The following CNTNAP3B variants were observed in gnomAD, a reference collection of about 807,000 sequenced individuals.
CNTNAP3B encodes contactin-associated protein-like 3B.
Under a neutral mutation model 108.9 loss-of-function variants are expected in CNTNAP3B, and 25 were observed. That is an observed-to-expected ratio of 0.23 (90% CI 0.17 to 0.32). The LOEUF (loss-of-function observed/expected upper bound fraction) is 0.32, where lower values mean the gene tolerates loss of function less well. Among genes scored for constraint, CNTNAP3B ranks in the 10% least tolerant of loss-of-function variants. The probability of loss-of-function intolerance (pLI) is 1.00; values close to 1 mark genes in which losing one functional copy is unlikely to be tolerated. For missense variants in CNTNAP3B, 252 were observed against 1,210.4 expected, an observed-to-expected ratio of 0.21 and a Z score of 11.75; for synonymous variants, 103 against 473.4, an observed-to-expected ratio of 0.22 and a Z score of 10.16.
intron 14 of CNTNAP3B, among the ~76,000 whole-genome samples, chr9:41,930,041 GATTTAGATATTC>G (rs1823931404): frequency 6.6e-6 from 1 of 152,258 alleles, no homozygotes; most frequent in South Asian, 2.1e-4. Context: ...AGTAACACTG[GATTTAGATATTC>G]ATTTTGCAGA....
In CNTNAP3B at chr9:42,098,896, C is replaced by A. The variant is rs537427216; in HGVS notation, c.196+5733G>T. On this transcript the variant is annotated intron_variant, in intron 2 of 23. Transcript: ENST00000377561. ...GAAGCTGATGCCTCTGCTTCCCCAT[C>A]TTTGTTCTGTGGAGCCACACAGGCA... 4.6e-5 allele frequency among the ~76,000 whole-genome samples: 6 copies of A among 131,818 alleles called. 2 individuals are homozygous for A. Among genetic ancestry groups the A allele is most frequent in the African/African-American group, 1.8e-4 (6 of 32,790 alleles). 86.5% of individuals were successfully genotyped at this position (131,818 alleles called of 152,430 possible).
rs868414304 is a variant in CNTNAP3B at position 42,107,985 on chromosome 9, A to G, written c.86-3246T>C. ...GAAAGACTCCGTCTTAAAAAAAAAAAAAAGAAAGAAAGAAAGGCACTAAAT... is the reference window on the plus strand; with the variant it reads ...GAAAGACTCCGTCTTAAAAAAAAAAGAAAGAAAGAAAGAAAGGCACTAAAT... On this transcript the variant is annotated intron_variant, in intron 1 of 23. Coordinates refer to ENST00000377561, the MANE Select transcript of CNTNAP3B (RefSeq NM_001201380.3). Among the ~76,000 whole-genome samples the G allele has an allele frequency of 7.3e-4, 98 of 134,314 alleles. 15 individuals carry two copies. The highest frequency in any genetic ancestry group is 2.6e-3 in the African/African-American group (86 of 33,582). 88.1% of individuals were successfully genotyped at this position (134,314 alleles called of 152,430 possible). A position where few individuals can be genotyped will look rare whatever the true frequency, so the allele number is the denominator to read the frequency against.
chr9:41,927,425 A>C (rs958130647), intron 15 of CNTNAP3B, among the ~76,000 whole-genome samples: 1 of 149,856 alleles, frequency 6.7e-6, no homozygotes, highest in African/African-American at 2.5e-5. Context: ...AAAGAAAAAG[A>C]AAGAAAAGAA....
chr9:41,917,194 C>T (rs1300410438), intron 18 of CNTNAP3B, among the ~76,000 whole-genome samples: 9 of 152,026 alleles, frequency 5.9e-5, no homozygotes, highest in Non-Finnish European at 1.3e-4. Context: ...TCTGATATTT[C>T]TCTGATGATC....
chr9:42,011,669 C>T lies in CNTNAP3B; in HGVS notation c.538+1709G>A, dbSNP rs1159172144. 5.9e-5 allele frequency: 3 copies of T among 50,554 alleles called. 1 individual carries two copies. The highest frequency in any genetic ancestry group is 2.0e-4 in the African/African-American group (3 of 14,786). The allele number at this position is 50,554 out of a possible 1,614,324, so 3.1% of individuals were successfully genotyped here. A position where few individuals can be genotyped will look rare whatever the true frequency, so the allele number is the denominator to read the frequency against. Reference sequence around the variant, plus strand: ...AACAAATAAATGGGAAGAGATGCTGCGTGGAAGGGATATTATAAGTCATTA... The same window carrying T: ...AACAAATAAATGGGAAGAGATGCTGTGTGGAAGGGATATTATAAGTCATTA... On this transcript the variant is annotated intron_variant, in intron 4 of 23. Transcript: ENST00000377561.
At chr9:42,035,975 G>A (rs1826617926) in intron 3 of CNTNAP3B, among the ~76,000 whole-genome samples, 1 of 143,130 alleles carries the variant, frequency 7.0e-6, no homozygotes, top group Admixed American at 6.9e-5. Flanking sequence ...GGGCATGGTG[G>A]CGCATGCCTG....
At chr9:42,099,413 C>A (rs1449222628) in intron 2 of CNTNAP3B, among the ~76,000 whole-genome samples, 3 of 135,038 alleles carry the variant, frequency 2.2e-5, no homozygotes, top group Non-Finnish European at 4.7e-5. Context: ...TAGTTAATCT[C>A]TTCAGGTGAG....
chr9:42,041,373 A>G (rs1396265208), intron 3 of CNTNAP3B, among the ~76,000 whole-genome samples: 13 of 151,488 alleles, frequency 8.6e-5, no homozygotes, highest in African/African-American at 2.7e-4. Context: ...TCTACAAAGA[A>G]TTTAAACAAA....
rs938982249 is a variant in CNTNAP3B, at chr9:41,930,723, C to T, written c.2238-1279G>A. On this transcript the variant is annotated intron_variant, in intron 14 of 23. Transcript: ENST00000377561. The stretch of plus-strand genomic sequence containing the variant: ...TTATGTGACTGGGAAAATAAATGCA[C>T]ACGTCTGTGTCCAATACAAAGAGAC... Among the ~76,000 whole-genome samples, 195 of 152,300 alleles carry T rather than the reference C, an allele frequency of 1.3e-3. No homozygotes were observed. The East Asian group carries it at 0.035, about 27-fold the overall frequency.
chr9:42,086,131 T>C (rs1827698030), intron 2 of CNTNAP3B, among the ~76,000 whole-genome samples: 1 of 140,708 alleles, frequency 7.1e-6, no homozygotes, highest in Admixed American at 7.1e-5. Context: ...AAAAGCATAT[T>C]TTACGTGGCA....
chr9:42,115,740 A>C lies in CNTNAP3B; in HGVS notation c.86-11001T>G, dbSNP rs1342685884. On this transcript the variant is annotated intron_variant, in intron 1 of 23. Coordinates refer to ENST00000377561, the MANE Select transcript of CNTNAP3B (RefSeq NM_001201380.3). Reference sequence around the variant, plus strand: ...CACCACCATCAAAGACCAAAGGTACATAAAACCACAAAGATGGGGAGAAAC... The same window carrying C: ...CACCACCATCAAAGACCAAAGGTACCTAAAACCACAAAGATGGGGAGAAAC... Among the ~76,000 whole-genome samples, 3 of 120,044 alleles carry C rather than the reference A, an allele frequency of 2.5e-5. 1 individual carries two copies. Among genetic ancestry groups the C allele is most frequent in the African/African-American group, 1.1e-4 (3 of 28,402 alleles). 78.8% of individuals were successfully genotyped at this position (120,044 alleles called of 152,430 possible).
intron 2 of CNTNAP3B, among the ~76,000 whole-genome samples, chr9:42,086,915 T>A (rs1292778300): frequency 9.5e-6 from 1 of 104,934 alleles, no homozygotes; most frequent in African/African-American, 3.8e-5. Context: ...TTATTACAAT[T>A]AGGACAATTC....
In CNTNAP3B at chr9:41,934,188, C is replaced by CATATATATAT. The variant is rs748553009; in HGVS notation, c.2237+4046_2237+4055dup. Among the ~76,000 whole-genome samples the CATATATATAT allele has an allele frequency of 3.5e-3, 478 of 135,322 alleles. 1 individual carries two copies. The highest frequency in any genetic ancestry group is 0.012 in the African/African-American group (409 of 34,750). 88.8% of individuals were successfully genotyped at this position (135,322 alleles called of 152,430 possible). ...ACACACATATATATACACACACACA[C>CATATATATAT]ATATATATATACATACACACACACA... On this transcript the variant is annotated intron_variant, in intron 14 of 23. Coordinates refer to ENST00000377561, the MANE Select transcript of CNTNAP3B (RefSeq NM_001201380.3).
intron 14 of CNTNAP3B, among the ~76,000 whole-genome samples, chr9:41,930,181 C>G (rs1313925919): frequency 6.6e-6 from 1 of 152,242 alleles, no homozygotes; most frequent in South Asian, 2.1e-4. Context: ...CATACTACAC[C>G]CTTATAAGTA....
At chr9:42,076,335 A>G (rs1827489216) in intron 3 of CNTNAP3B, among the ~76,000 whole-genome samples, 1 of 130,232 alleles carries the variant, frequency 7.7e-6, no homozygotes, top group Non-Finnish European at 1.6e-5. Context: ...CTGATGCAGA[A>G]GAATTGTTTG....
intron 18 of CNTNAP3B, among the ~76,000 whole-genome samples, chr9:41,916,436 T>C (rs1356049031): frequency 6.6e-6 from 1 of 151,930 alleles, no homozygotes; most frequent in East Asian, 1.9e-4. Context: ...GTTTTTTGTG[T>C]GTAGATTCAG....
At chr9:42,122,667 G>A (rs148031916) in intron 1 of CNTNAP3B, among the ~76,000 whole-genome samples, 1,664 of 140,576 alleles carry the variant, frequency 0.012, 111 homozygotes, top group South Asian at 0.051. Flanking sequence ...TCTTAAAGAT[G>A]AGAATCATCA....
At chr9:41,955,591 C>T (rs1824832700) in intron 12 of CNTNAP3B, among the ~76,000 whole-genome samples, 1 of 152,194 alleles carries the variant, frequency 6.6e-6, no homozygotes, top group Non-Finnish European at 1.5e-5. Context: ...AGTGCAGTGG[C>T]ACCTTCATAG....
At chr9:41,920,887 T>C (rs1456256301) in intron 17 of CNTNAP3B, among the ~76,000 whole-genome samples, 3 of 152,304 alleles carry the variant, frequency 2.0e-5, no homozygotes, top group Non-Finnish European at 4.4e-5. Context: ...TCTCAGAGGG[T>C]ACAGTGCTAA....
Sources: gnomAD v4.1 joint callset for allele counts (sites outside exome capture counted in the v4.1 genomes callset) on GRCh38, gnomAD v4.1.1 for gene constraint, MANE v1.5 for transcripts, NCBI Gene and HGNC (gene_info 2026-07-23, HGNC 2026-07-21) for gene names.